Variants in UNC13C observed in about 807,000 individuals in gnomAD.
The protein encoded by UNC13C is protein unc-13 homolog C.
In UNC13C, 174 loss-of-function variants were observed where a neutral mutation model predicts 245.4. The observed-to-expected ratio is 0.71, with a 90% CI of 0.63 to 0.80. The LOEUF (loss-of-function observed/expected upper bound fraction) is 0.80, where lower values mean the gene tolerates loss of function less well. Ranked by LOEUF, UNC13C falls within the 30% of genes least tolerant of loss-of-function variation. The pLI, the probability that UNC13C is intolerant of heterozygous loss-of-function variation, is 0.00. For synonymous variants in UNC13C, 992 were observed against 895.1 expected, an observed-to-expected ratio of 1.11 and a Z score of -1.93; for missense variants, 2,829 against 2,602.9, an observed-to-expected ratio of 1.09 and a Z score of -1.89.
At chr15:54,197,953 G>A (rs1173567284) in intron 4 of UNC13C, among the ~76,000 whole-genome samples, 6 of 152,108 alleles carry the variant, frequency 3.9e-5, no homozygotes, top group Non-Finnish European at 7.4e-5. Flanking sequence ...CCAGCTGCCT[G>A]GAAATAGACT....
At chr15:54,098,447 T>C (rs1567012099) in intron 2 of UNC13C, among the ~76,000 whole-genome samples, 1 of 152,184 alleles carries the variant, frequency 6.6e-6, no homozygotes, top group African/African-American at 2.4e-5. Flanking sequence ...AGTGCTGGGA[T>C]TATAGGCGTG....
At chr15:54,414,674 G>A (rs921006315) in intron 18 of UNC13C, among the ~76,000 whole-genome samples, 1 of 151,848 alleles carries the variant, frequency 6.6e-6, no homozygotes, top group Non-Finnish European at 1.5e-5. Flanking sequence ...TGGAGTCTTC[G>A]ATAAAAGTGA....
At chr15:54,444,484 A>C (rs1047096928) in intron 19 of UNC13C, among the ~76,000 whole-genome samples, 5 of 151,842 alleles carry the variant, frequency 3.3e-5, no homozygotes, top group Non-Finnish European at 7.4e-5. Flanking sequence ...CCATTCATCC[A>C]GTCTATATCT....
chr15:54,395,661 A>G (rs748685631), intron 18 of UNC13C, among the ~76,000 whole-genome samples: 4 of 151,852 alleles, frequency 2.6e-5, no homozygotes, highest in Admixed American at 6.6e-5. Flanking sequence ...CTTTCAATGT[A>G]ATCCCTGATT....
intron 2 of UNC13C, among the ~76,000 whole-genome samples, chr15:54,132,072 T>TTCTTTTTTTC (rs1555420950): frequency 1.1e-4 from 1 of 8,826 alleles, no homozygotes; most frequent in Non-Finnish European, 4.8e-4. Flanking sequence ...TTTTTTCTTT[T>TTCTTTTTTTC]TCTTTTTTTT....
chr15:53,837,865 A>G, the UNC13C span, among the ~76,000 whole-genome samples: 2 of 152,070 alleles, frequency 1.3e-5, no homozygotes, highest in African/African-American at 4.8e-5. Context: ...ATTTATGTTT[A>G]TATGTGTTGA....
At chr15:54,245,463 A>AT (rs750633998) in intron 7 of UNC13C, among the ~76,000 whole-genome samples, 1 of 152,142 alleles carries the variant, frequency 6.6e-6, no homozygotes, top group Non-Finnish European at 1.5e-5. Flanking sequence ...TCTCACATAG[A>AT]TAGGATATAA....
chr15:54,615,776 A>C (rs1186978849), intron 30 of UNC13C, among the ~76,000 whole-genome samples: 1 of 152,022 alleles, frequency 6.6e-6, no homozygotes, highest in Non-Finnish European at 1.5e-5. Flanking sequence ...TCCACATGCT[A>C]CCTACTGCCC....
intron 30 of UNC13C, among the ~76,000 whole-genome samples, chr15:54,616,799 C>A (rs1358888412): frequency 1.3e-5 from 2 of 151,990 alleles, no homozygotes; most frequent in Admixed American, 1.3e-4. Flanking sequence ...ACAATAATGT[C>A]TTAGGCCTTC....
rs1045978059 is a variant in UNC13C at position 54,546,750 on chromosome 15, A to G, written c.5725A>G (p.Lys1909Glu). 6.6e-7 allele frequency: 1 copy of G among 1,523,062 alleles called. No homozygotes were observed. Among genetic ancestry groups the G allele is most frequent in the Admixed American group, 2.2e-5 (1 of 46,254 alleles). The allele number at this position is 1,523,062 out of a possible 1,614,324, so 94.3% of individuals were successfully genotyped here. ...TLSLSAKICE[K>E]TVLKRVLKEL... Reference sequence around the variant, plus strand: ...AAGTCTCTCAGCAAAAATCTGTGAGAAAACAGTCCTAAAGCGAGTTTTAAA... The same window carrying G: ...AAGTCTCTCAGCAAAAATCTGTGAGGAAACAGTCCTAAAGCGAGTTTTAAA... The change falls in exon 27 of 33, where the codon AAA (lysine) becomes GAA (glutamate). Residue 1909 changes from lysine (K) to glutamate (E), a missense_variant. Physicochemically the swap from Lys to Glu is moderately conservative, Grantham distance 56. Coordinates refer to ENST00000260323, the MANE Select transcript of UNC13C (RefSeq NM_001080534.3).
At chr15:54,190,860 C>G (rs573952578) in intron 4 of UNC13C, among the ~76,000 whole-genome samples, 1 of 151,884 alleles carries the variant, frequency 6.6e-6, no homozygotes, top group Admixed American at 6.6e-5. Context: ...TTTTTATAAT[C>G]TGTTTTGTTC....
chr15:53,945,683 C>T, the UNC13C span, among the ~76,000 whole-genome samples: 23 of 152,174 alleles, frequency 1.5e-4, no homozygotes, highest in Non-Finnish European at 2.8e-4. Flanking sequence ...AGCGTGATGC[C>T]ACCAGCTTTG....
At chr15:54,386,634 G>C (rs2039842993) in intron 17 of UNC13C, among the ~76,000 whole-genome samples, 1 of 152,154 alleles carries the variant, frequency 6.6e-6, no homozygotes, top group African/African-American at 2.4e-5. Flanking sequence ...TTGTGATTTG[G>C]CCTCCTGCAC....
chr15:54,402,038 G>C (rs146198757), intron 18 of UNC13C, among the ~76,000 whole-genome samples: 2 of 149,804 alleles, frequency 1.3e-5, no homozygotes, highest in Non-Finnish European at 3.0e-5. Context: ...TTTCAATATA[G>C]TTGCAGTTTG....
intron 29 of UNC13C, among the ~76,000 whole-genome samples, chr15:54,556,465 C>T (rs1405833080): frequency 6.6e-6 from 1 of 151,978 alleles, no homozygotes; most frequent in Non-Finnish European, 1.5e-5. Context: ...TTTGCTGCTG[C>T]AGTGGTAAAA....
intron 4 of UNC13C, among the ~76,000 whole-genome samples, chr15:54,174,143 G>A (rs946805319): frequency 6.6e-6 from 1 of 152,004 alleles, no homozygotes; most frequent in Admixed American, 6.6e-5. Flanking sequence ...GCTCATGAGG[G>A]CAATTGGTCG....
chr15:54,077,653 G>A (rs895062015), intron 2 of UNC13C, among the ~76,000 whole-genome samples: 5 of 151,924 alleles, frequency 3.3e-5, no homozygotes, highest in African/African-American at 9.7e-5. Context: ...TTACAGGCAT[G>A]AGCCACCATG....
At chr15:54,104,090 A>T (rs1044536211) in intron 2 of UNC13C, among the ~76,000 whole-genome samples, 9 of 152,112 alleles carry the variant, frequency 5.9e-5, no homozygotes, top group African/African-American at 2.2e-4. Flanking sequence ...TCTTTCTTTC[A>T]TGGTCCTTGG....
chr15:54,085,596 T>C (rs1899194496), intron 2 of UNC13C, among the ~76,000 whole-genome samples: 1 of 152,196 alleles, frequency 6.6e-6, no homozygotes, highest in East Asian at 1.9e-4. Flanking sequence ...TATACTTTTT[T>C]CCAATAAAAT....
Sources: allele counts gnomAD v4.1 joint callset (sites outside exome capture counted in the v4.1 genomes callset), GRCh38; gene constraint gnomAD v4.1.1; transcripts MANE v1.5; gene names NCBI Gene and HGNC (gene_info 2026-07-23, HGNC 2026-07-21).